The following TTI1 variants were observed in gnomAD, a reference collection of about 807,000 sequenced individuals.
The protein encoded by TTI1 is TELO2 interacting protein 1.
In TTI1, 52 loss-of-function variants were observed where a neutral mutation model predicts 85.4. The observed-to-expected ratio is 0.61, with a 90% confidence interval of 0.49 to 0.77. The LOEUF (loss-of-function observed/expected upper bound fraction) is 0.77. Among genes scored for constraint, TTI1 ranks in the 30% least tolerant of loss-of-function variants. TTI1 has a pLI of 0.00. For missense variants in TTI1, 1,173 were observed against 1,296.0 expected, an observed-to-expected ratio of 0.91 and a Z score of 1.46; for synonymous variants, 512 against 503.9, an observed-to-expected ratio of 1.02 and a Z score of -0.22.
At chr20:38,009,556 A>C (rs1323740794) in intron 2 of TTI1, among the ~76,000 whole-genome samples, 1 of 151,558 alleles carries the variant, frequency 6.6e-6, no homozygotes, top group African/African-American at 2.4e-5. Context: ...CCCAGGCTGG[A>C]GTGCAGTGGT....
At chr20:37,987,128 C>A (rs574386157) in intron 7 of TTI1, 1 of 456,276 alleles carries the variant, frequency 2.2e-6, no homozygotes, top group African/African-American at 2.0e-5. Context: ...TGGCTTTAAG[C>A]CCCTGGGAGC....
At chr20:37,987,085 C>G (rs754010153) in intron 7 of TTI1, 1 of 444,186 alleles carries the variant, frequency 2.3e-6, no homozygotes, top group Non-Finnish European at 4.6e-6. Flanking sequence ...CTGCTGAACT[C>G]TAAACACGAC....
chr20:38,025,720 T>C (rs1204075657), intron 1 of TTI1, among the ~76,000 whole-genome samples: 1 of 151,430 alleles, frequency 6.6e-6, no homozygotes, highest in African/African-American at 2.4e-5. Flanking sequence ...TTCAAACAAA[T>C]GAAGGAATAG....
intron 1 of TTI1, among the ~76,000 whole-genome samples, chr20:38,015,792 G>T (rs1315273494): frequency 2.0e-5 from 3 of 152,166 alleles, no homozygotes; most frequent in Admixed American, 2.0e-4. Context: ...TGGCCTAGTA[G>T]ATCAAGTGGA....
At chr20:38,003,668 C>T (rs1286859832) in intron 3 of TTI1, among the ~76,000 whole-genome samples, 1 of 151,142 alleles carries the variant, frequency 6.6e-6, no homozygotes, top group African/African-American at 2.4e-5. Context: ...GGGAGAATCG[C>T]TTGAACCCAG....
rs770656855 is a variant in TTI1, at chr20:38,013,187, T to TA, written c.629dup (p.Leu210PhefsTer17). The stretch of plus-strand genomic sequence containing the variant: ...TGGTCAGTGCAGTTGAGATTCCAGG[T>TA]AAAAAAGAGGCAAACAAATCCCCCA... On this transcript the variant is annotated frameshift_variant, in exon 2 of 8. Transcript: ENST00000373447. LOFTEE classifies it high-confidence loss of function. 4 of 1,614,126 alleles carry TA rather than the reference T, an allele frequency of 2.5e-6. No individual in the cohort carries two copies. Among genetic ancestry groups the TA allele is most frequent in the Non-Finnish European group, 3.4e-6 (4 of 1,180,022 alleles).
chr20:37,991,435 A>C (rs922173693), intron 7 of TTI1, among the ~76,000 whole-genome samples: 1 of 152,214 alleles, frequency 6.6e-6, no homozygotes, highest in Non-Finnish European at 1.5e-5. Context: ...GATGAAATGA[A>C]TGAGCCTGTG....
chr20:38,020,323 A>T (rs369628708), intron 1 of TTI1, among the ~76,000 whole-genome samples: 3,970 of 49,686 alleles, frequency 0.08, 184 homozygotes, highest in African/African-American at 0.1. Flanking sequence ...AAAAAAAAAA[A>T]ATATATATAT....
At chr20:38,026,209 G>A (rs2073834830) in intron 1 of TTI1, among the ~76,000 whole-genome samples, 1 of 152,066 alleles carries the variant, frequency 6.6e-6, no homozygotes, top group South Asian at 2.1e-4. Flanking sequence ...ACCAAGGCTG[G>A]AGTGCAATGG....
chr20:38,031,594 G>A (rs983030173), intron 1 of TTI1, among the ~76,000 whole-genome samples: 3 of 152,194 alleles, frequency 2.0e-5, no homozygotes, highest in African/African-American at 7.2e-5. Context: ...AAACTTGCAT[G>A]TTTGTTTTTC....
At chr20:37,995,190 A>G (rs1443375421) in intron 7 of TTI1, among the ~76,000 whole-genome samples, 1 of 152,254 alleles carries the variant, frequency 6.6e-6, no homozygotes, top group African/African-American at 2.4e-5. Flanking sequence ...CCCTGTGCTC[A>G]TGAAACTATG....
At chr20:38,008,343 G>C (rs2073532326) in intron 2 of TTI1, among the ~76,000 whole-genome samples, 1 of 152,074 alleles carries the variant, frequency 6.6e-6, no homozygotes, top group African/African-American at 2.4e-5. Context: ...AGCATTTTTT[G>C]TGGTGGCCAA....
intron 4 of TTI1, among the ~76,000 whole-genome samples, chr20:38,000,711 G>A (rs917732896): frequency 6.6e-6 from 1 of 152,242 alleles, no homozygotes; most frequent in African/African-American, 2.4e-5. Flanking sequence ...GGGAGCAGGG[G>A]ATCAGGGGAG....
chr20:38,022,696 G>C (rs1244589502), intron 1 of TTI1, among the ~76,000 whole-genome samples: 2 of 152,150 alleles, frequency 1.3e-5, no homozygotes, highest in Non-Finnish European at 2.9e-5. Context: ...CATAATTCTA[G>C]ATTTGGTTGT....
At chr20:38,019,169 G>A (rs1445619126) in intron 1 of TTI1, 2 of 150,666 alleles carry the variant, frequency 1.3e-5, no homozygotes, top group African/African-American at 4.9e-5. Flanking sequence ...AAACAAGGGT[G>A]AAATTCAGAT....
intron 7 of TTI1, chr20:37,987,477 T>A: frequency 2.6e-6 from 1 of 383,732 alleles, no homozygotes; most frequent in South Asian, 2.0e-5. Context: ...ATGTACACCA[T>A]TTAACTCCTG....
intron 2 of TTI1, among the ~76,000 whole-genome samples, chr20:38,011,278 A>T (rs923411395): frequency 2.6e-5 from 4 of 152,222 alleles, no homozygotes; most frequent in Non-Finnish European, 5.9e-5. Flanking sequence ...TAATATTTAC[A>T]TTTATTCTGC....
chr20:37,997,318 C>T (rs1357866624), intron 5 of TTI1, among the ~76,000 whole-genome samples: 1 of 151,948 alleles, frequency 6.6e-6, no homozygotes, highest in Non-Finnish European at 1.5e-5. Context: ...TTCCTAACAT[C>T]CCTTGAGAAA....
chr20:38,020,324 ATATATAT>A lies in TTI1; in HGVS notation c.-41-6474_-41-6468del, dbSNP rs1473254964. Among the ~76,000 whole-genome samples, 230 of 45,794 alleles carry A rather than the reference ATATATAT, an allele frequency of 5.0e-3. 7 individuals are homozygous for A. The highest frequency in any genetic ancestry group is 0.018 in the African/African-American group (217 of 11,914). 30.0% of individuals were successfully genotyped at this position (45,794 alleles called of 152,430 possible). A position where few individuals can be genotyped will look rare whatever the true frequency, so the allele number is the denominator to read the frequency against. On this transcript the variant is annotated intron_variant, in intron 1 of 7. Transcript: ENST00000373447. ...GCTACTCATATGAAAAAAAAAAAAAATATATATATATATATATATATATATATATGTA... is the reference window on the plus strand; with the variant it reads ...GCTACTCATATGAAAAAAAAAAAAAAATATATATATATATATATATATGTA...
Sources: allele counts gnomAD v4.1 joint callset (sites outside exome capture counted in the v4.1 genomes callset), GRCh38; gene constraint gnomAD v4.1.1; transcripts MANE v1.5; gene names NCBI Gene and HGNC (gene_info 2026-07-23, HGNC 2026-07-21).